FHIT: variants seen among roughly 807,000 people sequenced by gnomAD.
The protein encoded by FHIT is bis(5'-adenosyl)-triphosphatase.
Under a neutral mutation model 17.9 loss-of-function variants are expected in FHIT, and 19 were observed. The observed-to-expected ratio is 1.06, with a 90% confidence interval of 0.74 to 1.56. FHIT has a LOEUF of 1.56. Ranked by LOEUF, FHIT falls within the 40% of genes most tolerant of loss-of-function variation. FHIT has a pLI of 0.00. For missense variants in FHIT, 248 were observed against 189.2 expected (o/e 1.31, Z -1.82); for synonymous variants, 81 against 69.7 (o/e 1.16, Z -0.81).
chr3:60,669,505 C>A (rs2040463094), intron 4 of FHIT, among the ~76,000 whole-genome samples: 1 of 152,154 alleles, frequency 6.6e-6, no homozygotes, highest in Non-Finnish European at 1.5e-5. Flanking sequence ...CAAACACACA[C>A]ATATATACAC....
At chr3:60,553,541 A>G (rs1010262330) in intron 4 of FHIT, 126 of 155,266 alleles carry the variant, frequency 8.1e-4, no homozygotes, top group Non-Finnish European at 1.2e-3. Context: ...AGAGGGAGAG[A>G]GAGAGAGAGA....
intron 5 of FHIT, among the ~76,000 whole-genome samples, chr3:60,178,066 T>A (rs1006055756): frequency 3.3e-5 from 5 of 152,184 alleles, no homozygotes; most frequent in Non-Finnish European, 5.9e-5. Context: ...ATATGAAGTG[T>A]CCTGATTAGC....
At chr3:60,309,598 A>C (rs1708847183) in intron 5 of FHIT, among the ~76,000 whole-genome samples, 1 of 152,114 alleles carries the variant, frequency 6.6e-6, no homozygotes. Context: ...ATAATATATA[A>C]ACTCCAAATT....
At chr3:60,188,824 T>C (rs534729804) in intron 5 of FHIT, among the ~76,000 whole-genome samples, 2 of 152,140 alleles carry the variant, frequency 1.3e-5, no homozygotes. Context: ...TTCTTAAGAA[T>C]GCAGAATTTC....
chr3:59,917,360 T>C (rs1705181948), intron 8 of FHIT, among the ~76,000 whole-genome samples: 1 of 152,212 alleles, frequency 6.6e-6, no homozygotes, highest in South Asian at 2.1e-4. Flanking sequence ...ATTTGATGAA[T>C]TGTCCAATAC....
intron 5 of FHIT, among the ~76,000 whole-genome samples, chr3:60,393,073 C>A (rs911510326): frequency 1.3e-5 from 2 of 152,104 alleles, no homozygotes; most frequent in African/African-American, 2.4e-5. Flanking sequence ...TAGATATCCA[C>A]TTTACAGTCC....
At chr3:61,170,480 T>A (rs2037970887) in intron 2 of FHIT, among the ~76,000 whole-genome samples, 1 of 152,132 alleles carries the variant, frequency 6.6e-6, no homozygotes. Flanking sequence ...ACCCACATGT[T>A]AAACCTAGTA....
At chr3:60,167,745 A>T (rs1701240285) in intron 5 of FHIT, among the ~76,000 whole-genome samples, 1 of 152,210 alleles carries the variant, frequency 6.6e-6, no homozygotes, top group Non-Finnish European at 1.5e-5. Context: ...TAAAAAATTA[A>T]AATTTGTGGC....
intron 7 of FHIT, among the ~76,000 whole-genome samples, chr3:59,952,356 A>C (rs1356782833): frequency 1.3e-5 from 2 of 152,146 alleles, no homozygotes; most frequent in Non-Finnish European, 2.9e-5. Context: ...TATCCCAGAC[A>C]CAGTGGGTTG....
chr3:60,195,763 C>T (rs4679646), intron 5 of FHIT, among the ~76,000 whole-genome samples: 22,665 of 150,384 alleles, frequency 0.15, 1,797 homozygotes, highest in East Asian at 0.3. Flanking sequence ...TTCTAAGTGA[C>T]GTAACTCAGG....
At chr3:59,984,394 T>G (rs994222711) in intron 7 of FHIT, among the ~76,000 whole-genome samples, 10 of 138,758 alleles carry the variant, frequency 7.2e-5, no homozygotes, top group African/African-American at 2.6e-4. Context: ...TCAAATCCAC[T>G]GGGGGGGGCT....
chr3:59,986,328 C>T (rs574737233), intron 7 of FHIT, among the ~76,000 whole-genome samples: 1 of 151,242 alleles, frequency 6.6e-6, no homozygotes, highest in Non-Finnish European at 1.5e-5. Context: ...AGAAACACCA[C>T]ATGTACAAAG....
intron 3 of FHIT, among the ~76,000 whole-genome samples, chr3:60,935,503 A>T (rs9830059): frequency 6.6e-6 from 1 of 152,198 alleles, no homozygotes; most frequent in Non-Finnish European, 1.5e-5. Flanking sequence ...AAGAGAATAC[A>T]CAGGGAAATA....
intron 2 of FHIT, among the ~76,000 whole-genome samples, chr3:61,129,189 T>C (rs2036696010): frequency 6.6e-6 from 1 of 152,228 alleles, no homozygotes; most frequent in Non-Finnish European, 1.5e-5. Context: ...TAGAAATGTT[T>C]CATGTGTTCA....
intron 8 of FHIT, among the ~76,000 whole-genome samples, chr3:59,759,902 T>A (rs774758064): frequency 7.9e-5 from 12 of 152,186 alleles, no homozygotes; most frequent in Admixed American, 4.6e-4. Context: ...ACGCTGAAGT[T>A]CTTTGAATAT....
rs567118006 is a variant in FHIT at position 60,062,375 on chromosome 3, G to C, written c.104-48223C>G. Among the ~76,000 whole-genome samples the C allele has an allele frequency of 1.7e-4, 26 of 152,234 alleles. 1 individual carries two copies. Among genetic ancestry groups the C allele is most frequent in the Non-Finnish European group, 2.6e-4 (18 of 68,004 alleles). The stretch of plus-strand genomic sequence containing the variant: ...ATGAGGGTGGTTGAGAGTAACTGTC[G>C]TAACACTCTTATTTTCTAAGCACCT... On this transcript the variant is annotated intron_variant, in intron 5 of 9. Transcript: ENST00000492590.
At chr3:60,458,518 A>G (rs1576689651) in intron 5 of FHIT, among the ~76,000 whole-genome samples, 1 of 152,012 alleles carries the variant, frequency 6.6e-6, no homozygotes, top group African/African-American at 2.4e-5. Flanking sequence ...CAGCACACCA[A>G]CATGGCACAT....
intron 5 of FHIT, among the ~76,000 whole-genome samples, chr3:60,446,099 A>C (rs945588592): frequency 6.6e-6 from 1 of 152,102 alleles, no homozygotes; most frequent in Non-Finnish European, 1.5e-5. Flanking sequence ...GGAGTGAAGC[A>C]AGGGAGGGTA....
intron 7 of FHIT, among the ~76,000 whole-genome samples, chr3:59,981,341 A>G (rs1708646494): frequency 6.6e-6 from 1 of 152,164 alleles, no homozygotes; most frequent in Non-Finnish European, 1.5e-5. Flanking sequence ...TAAGTTTCAG[A>G]GTAATCCCTA....
Sources: allele counts gnomAD v4.1 joint callset (sites outside exome capture counted in the v4.1 genomes callset), GRCh38; gene constraint gnomAD v4.1.1; transcripts MANE v1.5; gene names NCBI Gene and HGNC (gene_info 2026-07-23, HGNC 2026-07-21).